The following TMEM117 variants were observed in gnomAD, a reference collection of about 807,000 sequenced individuals.
TMEM117 encodes transmembrane protein 117.
Under a neutral mutation model 52.4 loss-of-function variants are expected in TMEM117, and 27 were observed. That is an observed-to-expected ratio of 0.51 (90% CI 0.38 to 0.71). TMEM117 has a LOEUF of 0.71. Among genes scored for constraint, TMEM117 ranks in the 30% least tolerant of loss-of-function variants. TMEM117 has a pLI of 0.00. For synonymous variants in TMEM117, 215 were observed against 206.3 expected (o/e 1.04, Z -0.36); for missense variants, 556 against 630.5 (o/e 0.88, Z 1.26).
intron 2 of TMEM117, among the ~76,000 whole-genome samples, chr12:43,920,806 G>C (rs1039357852): frequency 1.3e-5 from 2 of 152,094 alleles, no homozygotes; most frequent in African/African-American, 4.8e-5. Context: ...ATAATTCAGA[G>C]AGTATCTCTT....
the TMEM117 span, among the ~76,000 whole-genome samples, chr12:43,816,574 A>G: frequency 6.6e-6 from 1 of 152,334 alleles, no homozygotes; most frequent in South Asian, 2.1e-4. Flanking sequence ...AGTCTAAAAC[A>G]CTGGAGAGAT....
At chr12:44,071,688 G>A (rs774235403) in intron 3 of TMEM117, among the ~76,000 whole-genome samples, 1 of 152,094 alleles carries the variant, frequency 6.6e-6, no homozygotes. Context: ...AGCAAAACTC[G>A]AGGGAAAAAT....
At chr12:43,955,899 A>C (rs1223793082) in intron 3 of TMEM117, among the ~76,000 whole-genome samples, 1 of 152,206 alleles carries the variant, frequency 6.6e-6, no homozygotes, top group East Asian at 1.9e-4. Flanking sequence ...ACTTACTACA[A>C]CACCACAGTA....
At chr12:44,130,774 T>C (rs181614357) in intron 3 of TMEM117, among the ~76,000 whole-genome samples, 1 of 152,250 alleles carries the variant, frequency 6.6e-6, no homozygotes, top group East Asian at 1.9e-4. Context: ...TTCTAGAAAC[T>C]TACTGATTTC....
At chr12:44,395,929 G>A in the TMEM117 span, among the ~76,000 whole-genome samples, 25 of 152,280 alleles carry the variant, frequency 1.6e-4, no homozygotes, top group African/African-American at 5.5e-4. Flanking sequence ...AGGAGTTTCT[G>A]GTCAGAAGAG....
At chr12:44,009,167 TG>T (rs1946249656) in intron 3 of TMEM117, 1 of 277,918 alleles carries the variant, frequency 3.6e-6, no homozygotes, top group Non-Finnish European at 7.0e-6. Flanking sequence ...GTGCTGTTTC[TG>T]TACCTTGTGT....
At chr12:44,286,390 A>G (rs1950639471) in intron 5 of TMEM117, among the ~76,000 whole-genome samples, 1 of 151,788 alleles carries the variant, frequency 6.6e-6, no homozygotes, top group Non-Finnish European at 1.5e-5. Context: ...ATAGAAAAAA[A>G]TCGTCAAATT....
At chr12:44,120,882 C>A (rs986624393) in intron 3 of TMEM117, among the ~76,000 whole-genome samples, 19 of 152,162 alleles carry the variant, frequency 1.2e-4, no homozygotes, top group Non-Finnish European at 1.5e-5. Context: ...TGAGTCATTT[C>A]AATTAAAGAT....
chr12:44,116,013 C>G (rs2138122109), intron 3 of TMEM117, among the ~76,000 whole-genome samples: 1 of 152,264 alleles, frequency 6.6e-6, no homozygotes, highest in East Asian at 1.9e-4. Flanking sequence ...TGGTCTTTAT[C>G]TCCTTTCTTT....
rs143359002 is a variant in TMEM117 at position 44,201,408 on chromosome 12, A to G, written c.511-9882A>G. Among the ~76,000 whole-genome samples, 406 of 152,290 alleles carry G rather than the reference A, an allele frequency of 2.7e-3. 1 individual carries two copies. Among genetic ancestry groups the G allele is most frequent in the South Asian group, 4.6e-3 (22 of 4,828 alleles). On this transcript the variant is annotated intron_variant, in intron 4 of 7. Transcript: ENST00000266534. ...ATAATTGTTGTCCCTAAAAAATATAACTAAAGTAATGGAAAATAGAAGTCA... is the reference window on the plus strand; with the variant it reads ...ATAATTGTTGTCCCTAAAAAATATAGCTAAAGTAATGGAAAATAGAAGTCA...
chr12:44,088,468 A>T (rs978299111), intron 3 of TMEM117, among the ~76,000 whole-genome samples: 1 of 152,202 alleles, frequency 6.6e-6, no homozygotes, highest in Non-Finnish European at 1.5e-5. Flanking sequence ...TTTTTCCATT[A>T]TATTGTATTT....
At chr12:43,870,306 C>G (rs755048985) in intron 2 of TMEM117, among the ~76,000 whole-genome samples, 39 of 150,596 alleles carry the variant, frequency 2.6e-4, no homozygotes, top group Non-Finnish European at 4.3e-4. Flanking sequence ...TGTCGCCAGG[C>G]TGGAGTGCAG....
rs189007934 is a variant in TMEM117 at position 43,874,570 on chromosome 12, G to A, written c.277+29642G>A. Among the ~76,000 whole-genome samples the A allele has an allele frequency of 9.9e-4, 151 of 152,216 alleles. 1 individual carries two copies. The highest frequency in any genetic ancestry group is 1.0e-3 in the Non-Finnish European group (70 of 68,020). ...TGCGCCACTGCACTCCAGCCTGGGC[G>A]ACAAGAACAAGACTCCGTCTCAAAA... On this transcript the variant is annotated intron_variant, in intron 2 of 7. Coordinates refer to ENST00000266534, the MANE Select transcript of TMEM117 (RefSeq NM_032256.3).
chr12:44,119,206 T>C (rs1387294528), intron 3 of TMEM117, among the ~76,000 whole-genome samples: 4 of 152,362 alleles, frequency 2.6e-5, no homozygotes, highest in South Asian at 4.1e-4. Context: ...TCACCAAAGA[T>C]ATAATTATGT....
rs149359619 is a variant in TMEM117, at chr12:44,058,438, A to G, written c.411-85087A>G. 4.6e-4 allele frequency among the ~76,000 whole-genome samples: 70 copies of G among 152,300 alleles called. No homozygotes were observed. In the East Asian group the frequency reaches 7.5e-3, roughly 16 times the overall value. The stretch of plus-strand genomic sequence containing the variant: ...CAATTTTTCTATGCTGTGAATACCA[A>G]TGTAATCATTTTCTCAGGTTTTTGT... On this transcript the variant is annotated intron_variant, in intron 3 of 7. Coordinates refer to ENST00000266534, the MANE Select transcript of TMEM117 (RefSeq NM_032256.3).
intron 4 of TMEM117, among the ~76,000 whole-genome samples, chr12:44,203,907 A>T (rs1235529256): frequency 6.6e-6 from 1 of 152,204 alleles, no homozygotes; most frequent in Non-Finnish European, 1.5e-5. Context: ...TGTGCAGCTG[A>T]GAATAATGTA....
rs547378032 is a variant in TMEM117, at chr12:44,220,973, A to G, written c.608+9586A>G. ...AGAAGAATTTACATAATTTATGTAG[A>G]TATTCCTGTCCTCAAGATGGTGAAG... On this transcript the variant is annotated intron_variant, in intron 5 of 7. Coordinates refer to ENST00000266534, the MANE Select transcript of TMEM117 (RefSeq NM_032256.3). 5.9e-5 allele frequency among the ~76,000 whole-genome samples: 9 copies of G among 152,336 alleles called. No homozygotes were observed. The South Asian group carries it at 1.9e-3, about 32-fold the overall frequency.
chr12:44,201,306 T>G (rs1949492995), intron 4 of TMEM117, among the ~76,000 whole-genome samples: 1 of 152,116 alleles, frequency 6.6e-6, no homozygotes, highest in African/African-American at 2.4e-5. Flanking sequence ...ATCCTCAGTA[T>G]AGATCCTAAC....
chr12:44,267,637 T>C (rs909936295), intron 5 of TMEM117, among the ~76,000 whole-genome samples: 4 of 152,224 alleles, frequency 2.6e-5, no homozygotes, highest in African/African-American at 9.7e-5. Context: ...CTTACACACC[T>C]TGTATAACCA....
Sources: gnomAD v4.1 joint callset for allele counts (sites outside exome capture counted in the v4.1 genomes callset) on GRCh38, gnomAD v4.1.1 for gene constraint, MANE v1.5 for transcripts, NCBI Gene and HGNC (gene_info 2026-07-23, HGNC 2026-07-21) for gene names.